LARP1: variants seen among roughly 807,000 people sequenced by gnomAD.
LARP1 encodes La ribonucleoprotein 1, translational regulator.
A neutral mutation model predicts 122.7 loss-of-function variants in LARP1; 36 were observed. That is an observed-to-expected ratio of 0.29 (90% CI 0.22 to 0.39). The LOEUF is 0.39. Ranked by LOEUF, LARP1 falls within the 10% of genes least tolerant of loss-of-function variation. The pLI, the probability that LARP1 is intolerant of heterozygous loss-of-function variation, is 1.00. For synonymous variants in LARP1, 539 were observed against 528.7 expected, an observed-to-expected ratio of 1.02 and a Z score of -0.27; for missense variants, 1,040 against 1,403.6, an observed-to-expected ratio of 0.74 and a Z score of 4.14.
At chr5:154,752,101 T>G (rs1185997432), upstream of LARP1, among the ~76,000 whole-genome samples, 1 of 152,218 alleles carries the variant, frequency 6.6e-6, no homozygotes, top group East Asian at 1.9e-4. Context: ...TGAGTCACTA[T>G]GCCCAGCCCC....
Position 154,803,005 on chromosome 5 carries a change from G to C in LARP1, c.2110-285G>C, listed in dbSNP as rs183128194. Among the ~76,000 whole-genome samples the C allele has an allele frequency of 3.3e-5, 5 of 152,258 alleles. No individual in the cohort carries two copies. The East Asian group carries it at 7.7e-4, about 24-fold the overall frequency. On this transcript the variant is annotated intron_variant, in intron 11 of 18. Transcript: ENST00000518297. This position sits in a 1 kb window ranked among gnomAD's most constrained non-coding sequence, Gnocchi z 4.4. Reference sequence around the variant, plus strand: ...AGATGGGGAAACACTGGAGCTTTCAGGGGGGAGTGTGTAGTGAGTTCCTGA... The same window carrying C: ...AGATGGGGAAACACTGGAGCTTTCACGGGGGAGTGTGTAGTGAGTTCCTGA...
chr5:154,814,202 A>G lies in LARP1; in HGVS notation c.*106A>G. The G allele has an allele frequency of 8.7e-7, 1 of 1,149,820 alleles. No individual in the cohort carries two copies. The highest frequency in any genetic ancestry group is 1.3e-6 in the Non-Finnish European group (1 of 793,564). The allele number at this position is 1,149,820 out of a possible 1,614,324, so 71.2% of individuals were successfully genotyped here. The stretch of plus-strand genomic sequence containing the variant: ...GGGGACAATGAAGGGACAGGCCTGG[A>G]GTTACTAGGACAGGCCTTTGTGCTG... On this transcript the variant is annotated 3_prime_UTR_variant, in exon 19 of 19. Coordinates refer to ENST00000518297, the MANE Select transcript of LARP1 (RefSeq NM_033551.3).
In LARP1 at chr5:154,755,683, G is replaced by T; in HGVS notation, c.-75G>T. ...CGCCCCGGAGGAAGGCGTCGCGGGC[G>T]CTCTGCTAGCCAAGTTCGAGGCGGG... On this transcript the variant is annotated 5_prime_UTR_variant, in exon 1 of 19. Transcript: ENST00000518297. The T allele has an allele frequency of 2.0e-6, 2 of 987,680 alleles. No homozygotes were observed. The highest frequency in any genetic ancestry group is 2.4e-6 in the Non-Finnish European group (2 of 830,242). 61.2% of individuals were successfully genotyped at this position (987,680 alleles called of 1,614,324 possible).
At chr5:154,764,140 C>A (rs1479420154) in intron 1 of LARP1, among the ~76,000 whole-genome samples, 1 of 150,960 alleles carries the variant, frequency 6.6e-6, no homozygotes, top group Admixed American at 6.6e-5. Context: ...GAAACCCTGC[C>A]TCTACTAAAC....
intron 1 of LARP1, among the ~76,000 whole-genome samples, chr5:154,698,641 T>C (rs1754582927): frequency 6.6e-6 from 1 of 152,126 alleles, no homozygotes; most frequent in African/African-American, 2.4e-5. Flanking sequence ...TAGTGACAGT[T>C]GCACAACTCT....
rs35598061 is a variant in LARP1 at position 154,794,157 on chromosome 5, C to T, written c.1127C>T (p.Thr376Met). 1,765 of 1,614,040 alleles carry T rather than the reference C, an allele frequency of 1.1e-3. 2 individuals are homozygous for T. Among genetic ancestry groups the T allele is most frequent in the Non-Finnish European group, 1.4e-3 (1,673 of 1,180,022 alleles). ...TTTGATGGTGTGGAGGGGCCTCGTA[C>T]GCCCAAGTACATGAACAACATCACC... ...RKFDGVEGPR[T>M]PKYMNNITYY... Residue 376 changes from threonine (T) to methionine (M), a missense_variant, in exon 7 of 19, where the codon ACG (threonine) becomes ATG (methionine). Thr to Met is a moderately conservative substitution (Grantham distance 81). This residue lies in a region of LARP1 where 362 missense variants were observed against 533.1 expected (regional missense o/e 0.68). Transcript: ENST00000518297.
chr5:154,713,059 C>A (rs757070815), exon 1 of LARP1: 10 of 1,614,050 alleles, frequency 6.2e-6, no homozygotes, highest in Non-Finnish European at 8.5e-6. Context: ...GCAGCTGCCC[C>A]GAGGAAGGAG....
Position 154,803,335 on chromosome 5 carries a change from C to G in LARP1, c.2155C>G (p.Gln719Glu). Residue 719 changes from glutamine to glutamate, a missense_variant, in exon 12 of 19, where the codon CAG becomes GAG. Gln to Glu is a conservative substitution (Grantham distance 29, BLOSUM62 2). Transcript: ENST00000518297. The surrounding 1 kb of genome is among the most constrained non-coding windows in gnomAD (Gnocchi z 4.4). ...AAAGGTCAATATGATCAGCCGGGAG[C>G]AGTTTGACACACTGACCCCTGAGCC... ...FKKVNMISRE[Q>E]FDTLTPEPPV... 6.2e-7 allele frequency: 1 copy of G among 1,614,176 alleles called. No homozygotes were observed. The highest frequency in any genetic ancestry group is 8.5e-7 in the Non-Finnish European group (1 of 1,180,032).
chr5:154,765,010 A>G (rs1754816643), intron 1 of LARP1, among the ~76,000 whole-genome samples: 1 of 152,020 alleles, frequency 6.6e-6, no homozygotes, highest in Non-Finnish European at 1.5e-5. Flanking sequence ...TTTCTCATGT[A>G]GATTTTTGCA....
intron 8 of LARP1, among the ~76,000 whole-genome samples, chr5:154,796,049 TTATA>T (rs1475830193): frequency 1.7e-5 from 2 of 115,050 alleles, no homozygotes; most frequent in African/African-American, 7.2e-5. Context: ...TATTATATAT[TTATA>T]TATTATATAT....
chr5:154,745,527 A>T (rs961954461), intron 1 of LARP1, among the ~76,000 whole-genome samples: 3 of 152,214 alleles, frequency 2.0e-5, no homozygotes, highest in African/African-American at 7.2e-5. Context: ...TGCTATTATC[A>T]TCCCCATTTT....
rs1158010359 is a variant in LARP1, at chr5:154,797,221, GTTTTTTTTTTTTTTT to G, written c.1377+1917_1377+1931del. Among the ~76,000 whole-genome samples the G allele has an allele frequency of 5.0e-3, 150 of 29,794 alleles. 1 individual carries two copies. The highest frequency in any genetic ancestry group is 9.4e-3 in the African/African-American group (90 of 9,550). 19.5% of individuals were successfully genotyped at this position (29,794 alleles called of 152,430 possible). A position where few individuals can be genotyped will look rare whatever the true frequency, so the allele number is the denominator to read the frequency against. On this transcript the variant is annotated intron_variant, in intron 8 of 18. Transcript: ENST00000518297. ...GGAGTTATTCTGTTTTGTTGTTGTT[GTTTTTTTTTTTTTTT>G]TTTTTTTTTTTTTTGAGACAGAGTT...
intron 10 of LARP1, among the ~76,000 whole-genome samples, chr5:154,800,810 C>T (rs535788648): frequency 1.8e-3 from 271 of 152,252 alleles, no homozygotes; most frequent in African/African-American, 5.9e-3. Flanking sequence ...TCTATACTCC[C>T]TTATCTATTT....
intron 1 of LARP1, among the ~76,000 whole-genome samples, chr5:154,714,040 C>T (rs1755358178): frequency 6.6e-6 from 1 of 152,194 alleles, no homozygotes; most frequent in African/African-American, 2.4e-5. Flanking sequence ...GCTCTGTGAC[C>T]TCAGGCAAAT....
In LARP1 at chr5:154,793,647, C is replaced by G. The variant is rs757418989; in HGVS notation, c.792C>G (p.Pro264=). 2 of 1,614,188 alleles carry G rather than the reference C, an allele frequency of 1.2e-6. No individual in the cohort carries two copies. Among genetic ancestry groups the G allele is most frequent in the South Asian group, 2.2e-5 (2 of 91,080 alleles). The change falls in exon 5 of 19, where the codon CCC becomes CCG. Residue 264 remains proline, a synonymous_variant. Transcript: ENST00000518297. ...PLQIDMKPEV[P]REKLASRPTR... ...AAATAGACATGAAGCCTGAAGTGCC[C>G]AGAGAGAAACTGGCTTCACGCCCCA...
chr5:154,808,936 C>A (rs1240883524), intron 16 of LARP1, among the ~76,000 whole-genome samples: 1 of 152,036 alleles, frequency 6.6e-6, no homozygotes, highest in East Asian at 1.9e-4. Flanking sequence ...ATGCCACTAC[C>A]ACTCCTTTTG....
chr5:154,753,194 GAAC>G (rs759962232), upstream of LARP1, among the ~76,000 whole-genome samples: 17 of 152,116 alleles, frequency 1.1e-4, no homozygotes, highest in Non-Finnish European at 2.1e-4. Context: ...ATTACAAAAA[GAAC>G]AACTAACAAT....
intron 3 of LARP1, among the ~76,000 whole-genome samples, chr5:154,790,918 A>G (rs965248308): frequency 4.6e-5 from 7 of 151,860 alleles, no homozygotes; most frequent in Non-Finnish European, 1.0e-4. Context: ...CCTGGGTTCA[A>G]GTGATTCTCC....
intron 1 of LARP1, among the ~76,000 whole-genome samples, chr5:154,730,947 A>G (rs548765905): frequency 6.9e-5 from 10 of 143,940 alleles, no homozygotes; most frequent in African/African-American, 2.3e-4. Flanking sequence ...AGCTTACTGC[A>G]ACCTCCACCT....
Sources: gnomAD v4.1 joint callset for allele counts (sites outside exome capture counted in the v4.1 genomes callset) on GRCh38, gnomAD v4.1.1 for gene constraint, gnomAD v4.1.1 regional missense constraint, Gnocchi (gnomAD v3.1) non-coding constraint, MANE v1.5 for transcripts, NCBI Gene and HGNC (gene_info 2026-07-23, HGNC 2026-07-21) for gene names.